Variants in AP4E1 observed in about 807,000 individuals in gnomAD.
AP4E1 encodes the protein AP-4 complex subunit epsilon-1.
In AP4E1, 56 loss-of-function variants were observed where a neutral mutation model predicts 128.2. The observed-to-expected ratio is 0.44, with a 90% CI of 0.35 to 0.55. The LOEUF (loss-of-function observed/expected upper bound fraction) is 0.55, where lower values mean the gene tolerates loss of function less well. AP4E1 is among the 20% of genes least tolerant of loss of function. AP4E1 has a pLI of 0.00. For synonymous variants in AP4E1, 484 were observed against 473.1 expected (o/e 1.02, Z -0.30); for missense variants, 1,324 against 1,307.7 (o/e 1.01, Z -0.19).
At chr15:50,931,017 G>A (rs2063829462) in intron 7 of AP4E1, 46 bp downstream of exon 7, 2 of 1,605,814 alleles carry the variant, frequency 1.2e-6, no homozygotes, top group Middle Eastern at 1.7e-4. Context: ...CATACCAGAT[G>A]ATAAGCTTAG....
intron 10 of AP4E1, among the ~76,000 whole-genome samples, chr15:50,947,056 A>T (rs2064071800): frequency 6.6e-6 from 1 of 152,038 alleles, no homozygotes; most frequent in African/African-American, 2.4e-5. Context: ...AGATCCTGCC[A>T]CTGCACTCTA....
chr15:50,958,804 T>C lies in AP4E1; in HGVS notation c.1851+10T>C, dbSNP rs1484662596. ...TTGTGAAGACTTGGTGGTAAGACAT[T>C]GGTGTTCCATCTTTTTAAAAATTGC... On this transcript the variant is annotated intron_variant, in intron 14 of 20. Transcript: ENST00000261842. The C allele has an allele frequency of 6.2e-7, 1 of 1,613,830 alleles. No individual in the cohort carries two copies. The highest frequency in any genetic ancestry group is 8.5e-7 in the Non-Finnish European group (1 of 1,179,788).
At chr15:50,982,010 G>C (rs1365191074) in intron 15 of AP4E1, among the ~76,000 whole-genome samples, 5 of 150,722 alleles carry the variant, frequency 3.3e-5, no homozygotes, top group African/African-American at 1.2e-4. Flanking sequence ...GCTTGAACAC[G>C]GGAGGCGGAG....
At chr15:50,977,706 G>GTTTTTTTTTTTTTTTTTTT (rs1401774266) in intron 15 of AP4E1, among the ~76,000 whole-genome samples, 2 of 80,288 alleles carry the variant, frequency 2.5e-5, no homozygotes, top group African/African-American at 9.3e-5. Flanking sequence ...ATCTGTTATG[G>GTTTTTTTTTTTTTTTTTTT]TTTTTTTTTT....
At position 50,950,179 on chromosome 15, in the gene AP4E1, G is replaced by A; in HGVS notation, c.1548+10G>A. 2 of 1,525,138 alleles carry A rather than the reference G, an allele frequency of 1.3e-6. No individual in the cohort carries two copies. Among genetic ancestry groups the A allele is most frequent in the Non-Finnish European group, 1.8e-6 (2 of 1,101,678 alleles). The allele number at this position is 1,525,138 out of a possible 1,614,324, so 94.5% of individuals were successfully genotyped here. On this transcript the variant is annotated intron_variant, in intron 13 of 20. Coordinates refer to ENST00000261842, the MANE Select transcript of AP4E1 (RefSeq NM_007347.5). ...TCAAGTTATGAGTTGGGTGAGCAAA[G>A]TACCTTAAATCATAAATTTTTATAA... is the stretch of plus-strand genomic sequence containing the variant.
intron 8 of AP4E1, among the ~76,000 whole-genome samples, chr15:50,935,956 AT>A (rs2063903445): frequency 1.3e-5 from 2 of 152,204 alleles, no homozygotes; most frequent in South Asian, 4.1e-4. Flanking sequence ...TGCTTTATTA[AT>A]TTGTTCAGCC....
intron 15 of AP4E1, among the ~76,000 whole-genome samples, chr15:50,969,948 C>T (rs999567928): frequency 5.9e-5 from 9 of 152,192 alleles, no homozygotes; most frequent in Non-Finnish European, 1.2e-4. Flanking sequence ...CGTGAGCCAC[C>T]ATGCCCGGCC....
intron 16 of AP4E1, 50 bp downstream of exon 16, chr15:50,984,195 T>C: frequency 6.2e-7 from 1 of 1,605,574 alleles, no homozygotes; most frequent in East Asian, 2.2e-5. Flanking sequence ...CTTAAATGTC[T>C]TTTAGCGTTC....
Position 50,941,456 on chromosome 15 carries a change from T to A in AP4E1, c.958T>A (p.Cys320Ser). 1 of 1,612,888 alleles carries A rather than the reference T, an allele frequency of 6.2e-7. No homozygotes were observed. Among genetic ancestry groups the A allele is most frequent in the African/African-American group, 1.3e-5 (1 of 75,024 alleles). Reference sequence around the variant, plus strand: ...TCTTTTTCTAGCTATTTTGTTTGAATGTGTGCATACAGTCTATTCTATTTA... The same window carrying A: ...TCTTTTTCTAGCTATTTTGTTTGAAAGTGTGCATACAGTCTATTCTATTTA... ...HNVTYAILFE[C>S]VHTVYSIYPK... Residue 320 changes from cysteine (C) to serine (S), a missense_variant, in exon 9 of 21, where the codon TGT becomes AGT. Coordinates refer to ENST00000261842, the MANE Select transcript of AP4E1 (RefSeq NM_007347.5).
intron 8 of AP4E1, among the ~76,000 whole-genome samples, chr15:50,936,701 C>G (rs2063912171): frequency 6.6e-6 from 1 of 152,016 alleles, no homozygotes; most frequent in African/African-American, 2.4e-5. Context: ...TTTGGGAGGC[C>G]GAGGTGGGCG....
intron 15 of AP4E1, among the ~76,000 whole-genome samples, chr15:50,972,115 T>A (rs375151641): frequency 1.3e-5 from 2 of 152,348 alleles, no homozygotes; most frequent in East Asian, 1.9e-4. Context: ...AAAGACTTAT[T>A]TGTATAAATG....
chr15:50,959,071 C>T (rs956488161), intron 14 of AP4E1, among the ~76,000 whole-genome samples: 4 of 151,992 alleles, frequency 2.6e-5, no homozygotes, highest in Non-Finnish European at 5.9e-5. Flanking sequence ...ATTAGCTGGG[C>T]ATGGTGGTAC....
At chr15:50,917,828 A>G (rs2063648191) in intron 3 of AP4E1, among the ~76,000 whole-genome samples, 1 of 152,226 alleles carries the variant, frequency 6.6e-6, no homozygotes, top group African/African-American at 2.4e-5. Flanking sequence ...GGCCGGGTAC[A>G]GTGGCTCATG....
chr15:50,972,799 CTCA>C (rs1365731701), intron 15 of AP4E1, among the ~76,000 whole-genome samples: 2 of 152,114 alleles, frequency 1.3e-5, no homozygotes, highest in Non-Finnish European at 2.9e-5. Context: ...GTTTCTTAGG[CTCA>C]TGATGTGGGT....
chr15:50,920,878 A>G (rs1437879827), intron 3 of AP4E1, among the ~76,000 whole-genome samples: 1 of 152,182 alleles, frequency 6.6e-6, no homozygotes, highest in African/African-American at 2.4e-5. Context: ...GGCTTACTGC[A>G]ATCTCTACCT....
chr15:50,921,009 G>A (rs2063696794), intron 3 of AP4E1, among the ~76,000 whole-genome samples: 1 of 151,512 alleles, frequency 6.6e-6, no homozygotes, highest in Non-Finnish European at 1.5e-5. Context: ...TGCCATGTTG[G>A]CCAGGCTGGT....
At chr15:50,912,258 G>A in intron 2 of AP4E1, 109 bp downstream of exon 2, 2 of 1,022,386 alleles carry the variant, frequency 2.0e-6, no homozygotes, top group Non-Finnish European at 3.1e-6. Context: ...ATTTATCATA[G>A]TCAAAATGAA....
chr15:50,956,782 A>T (rs999810806), intron 13 of AP4E1, among the ~76,000 whole-genome samples: 1 of 152,200 alleles, frequency 6.6e-6, no homozygotes, highest in African/African-American at 2.4e-5. Flanking sequence ...CACAGAGCCA[A>T]CCATATCAGA....
At chr15:50,967,915 C>G (rs2064415924) in intron 14 of AP4E1, among the ~76,000 whole-genome samples, 2 of 152,170 alleles carry the variant, frequency 1.3e-5, no homozygotes, top group Admixed American at 6.5e-5. Context: ...TGGGTTCAAG[C>G]AGTTCTGCTG....
Sources: gnomAD v4.1 joint callset for allele counts (sites outside exome capture counted in the v4.1 genomes callset) on GRCh38, gnomAD v4.1.1 for gene constraint, MANE v1.5 for transcripts, NCBI Gene and HGNC (gene_info 2026-07-23, HGNC 2026-07-21) for gene names.